The following ZFHX3 variants were observed in gnomAD, a reference collection of about 807,000 sequenced individuals.
The protein encoded by ZFHX3 is zinc finger homeobox 3.
In ZFHX3, 42 loss-of-function variants were observed where a neutral mutation model predicts 279.1. The ratio of observed to expected loss-of-function variants is 0.15; its 90% confidence interval spans 0.12 to 0.19. The LOEUF (loss-of-function observed/expected upper bound fraction) is 0.19. Ranked by LOEUF, ZFHX3 falls within the 10% of genes least tolerant of loss-of-function variation. The pLI, the probability that ZFHX3 is intolerant of heterozygous loss-of-function variation, is 1.00. For synonymous variants in ZFHX3, 2,293 were observed against 1,957.8 expected (o/e 1.17, Z -4.52); for missense variants, 4,981 against 4,754.0 (o/e 1.05, Z -1.40).
intron 7 of ZFHX3, among the ~76,000 whole-genome samples, chr16:73,101,527 C>T (rs1041855881): frequency 1.3e-5 from 2 of 151,628 alleles, no homozygotes; most frequent in Non-Finnish European, 1.5e-5. Context: ...AACAGGCAAG[C>T]GCCACCACGC....
intron 3 of ZFHX3, among the ~76,000 whole-genome samples, chr16:73,351,475 C>T (rs778382627): frequency 3.9e-5 from 6 of 152,186 alleles, no homozygotes. Context: ...GACAGCTGTG[C>T]AGAGGGGCCT....
chr16:73,036,009 T>C (rs529497023), intron 1 of ZFHX3, among the ~76,000 whole-genome samples: 17 of 152,376 alleles, frequency 1.1e-4, no homozygotes, highest in African/African-American at 4.1e-4. Flanking sequence ...TTTCTTACTA[T>C]CAAGAGAAGA....
At chr16:73,885,731 G>C (rs1439437836) in intron 1 of ZFHX3, among the ~76,000 whole-genome samples, 2 of 152,110 alleles carry the variant, frequency 1.3e-5, no homozygotes, top group African/African-American at 4.8e-5. Flanking sequence ...TTAAAAGGAG[G>C]TTACAAACCT....
chr16:73,559,994 T>C (rs2020346320), intron 2 of ZFHX3, among the ~76,000 whole-genome samples: 1 of 152,196 alleles, frequency 6.6e-6, no homozygotes, highest in African/African-American at 2.4e-5. Flanking sequence ...AAAAGCTGGA[T>C]TTAATAGAAG....
At chr16:72,926,805 G>A (rs748365969) in intron 3 of ZFHX3, among the ~76,000 whole-genome samples, 29 of 152,280 alleles carry the variant, frequency 1.9e-4, no homozygotes, top group Non-Finnish European at 3.8e-4. Flanking sequence ...CTCCTGGCCC[G>A]TTCTCTGGGT....
intron 3 of ZFHX3, among the ~76,000 whole-genome samples, chr16:73,423,554 G>A (rs372188618): frequency 9.8e-4 from 149 of 152,254 alleles, no homozygotes; most frequent in Middle Eastern, 3.4e-3. Context: ...CTGGGGAAAA[G>A]TTTGCTGTTA....
chr16:73,650,910 T>C (rs1490643072), intron 2 of ZFHX3, among the ~76,000 whole-genome samples: 1 of 151,950 alleles, frequency 6.6e-6, no homozygotes, highest in African/African-American at 2.4e-5. Context: ...AGAACAACTA[T>C]GTCAGGAAGA....
chr16:73,166,212 G>A (rs2144861115), intron 5 of ZFHX3, among the ~76,000 whole-genome samples: 1 of 152,218 alleles, frequency 6.6e-6, no homozygotes, highest in East Asian at 1.9e-4. Flanking sequence ...AATACAAATG[G>A]ATATGTGAAA....
At chr16:72,929,264 G>A (rs547871068) in intron 3 of ZFHX3, among the ~76,000 whole-genome samples, 14 of 151,808 alleles carry the variant, frequency 9.2e-5, no homozygotes, top group Admixed American at 2.0e-4. Flanking sequence ...AAAAGAGTGA[G>A]GTAAAAAATC....
chr16:73,396,740 C>T (rs756544752), intron 3 of ZFHX3, among the ~76,000 whole-genome samples: 6 of 152,198 alleles, frequency 3.9e-5, no homozygotes, highest in Non-Finnish European at 5.9e-5. Context: ...ATCCAATCAC[C>T]TCCCACCAGG....
intron 3 of ZFHX3, among the ~76,000 whole-genome samples, chr16:73,374,925 T>C (rs1597307071): frequency 6.6e-6 from 1 of 152,226 alleles, no homozygotes; most frequent in Admixed American, 6.5e-5. Context: ...TAGGTGGTGG[T>C]ATGGATTTCT....
chr16:73,315,030 C>T (rs571097458), intron 4 of ZFHX3, among the ~76,000 whole-genome samples: 3 of 152,184 alleles, frequency 2.0e-5, no homozygotes, highest in African/African-American at 2.4e-5. Context: ...GAGTTTGATA[C>T]CAGACTGGCC....
intron 5 of ZFHX3, among the ~76,000 whole-genome samples, chr16:72,815,476 A>C (rs2036579805): frequency 6.6e-6 from 1 of 152,144 alleles, no homozygotes; most frequent in South Asian, 2.1e-4. Context: ...TTTATCACAG[A>C]CCACAGTCAG....
chr16:73,112,435 G>A (rs375859727), intron 7 of ZFHX3, among the ~76,000 whole-genome samples: 3 of 152,150 alleles, frequency 2.0e-5, no homozygotes, highest in East Asian at 3.9e-4. Flanking sequence ...TAAAAAGGCC[G>A]AACCCAGTGG....
intron 1 of ZFHX3, among the ~76,000 whole-genome samples, chr16:73,687,703 A>G (rs1317322401): frequency 4.0e-5 from 6 of 151,892 alleles, no homozygotes; most frequent in African/African-American, 7.3e-5. Context: ...TTAGCCAGGC[A>G]TGGTGGCACA....
chr16:73,448,150 A>C (rs556209880), intron 3 of ZFHX3, among the ~76,000 whole-genome samples: 1 of 152,330 alleles, frequency 6.6e-6, no homozygotes, highest in South Asian at 2.1e-4. Flanking sequence ...AGGGTAACGA[A>C]TCTAGTAAGA....
intron 2 of ZFHX3, among the ~76,000 whole-genome samples, chr16:73,667,569 C>T (rs1307513137): frequency 2.0e-5 from 3 of 152,102 alleles, no homozygotes; most frequent in Admixed American, 1.3e-4. Context: ...TTATTTGCCA[C>T]AAGATAAAGA....
At chr16:73,070,490 G>A (rs1965808823) in intron 8 of ZFHX3, among the ~76,000 whole-genome samples, 1 of 151,942 alleles carries the variant, frequency 6.6e-6, no homozygotes, top group Non-Finnish European at 1.5e-5. Context: ...TTTCCTCTCC[G>A]AATCATATTC....
At chr16:73,861,722 C>G (rs1186923692) in intron 1 of ZFHX3, among the ~76,000 whole-genome samples, 14 of 152,180 alleles carry the variant, frequency 9.2e-5, no homozygotes, top group Admixed American at 7.9e-4. Context: ...CAGCCGGGCA[C>G]AGTGGCTCAC....
Sources: gnomAD v4.1 joint callset for allele counts (sites outside exome capture counted in the v4.1 genomes callset) on GRCh38, gnomAD v4.1.1 for gene constraint, MANE v1.5 for transcripts, NCBI Gene and HGNC (gene_info 2026-07-23, HGNC 2026-07-21) for gene names.